Variants in RPL23 observed in about 807,000 individuals in gnomAD.
RPL23 encodes large ribosomal subunit protein uL14.
For synonymous variants in RPL23, 63 were observed against 65.3 expected (o/e 0.97, Z 0.17); for missense variants, 79 against 178.8 (o/e 0.44, Z 3.18).
chr17:38,852,556 G>A (rs1382044277), intron 3 of RPL23, 48 bp downstream of exon 3: 4 of 1,591,498 alleles, frequency 2.5e-6, no homozygotes, highest in Non-Finnish European at 2.6e-6. Context: ...AAAGGAAAGC[G>A]TCCCCCCACT....
In RPL23 at chr17:38,850,119, A is replaced by C. The variant is rs1232520306; in HGVS notation, c.*13T>G. On this transcript the variant is annotated 3_prime_UTR_variant, in exon 5 of 5. Coordinates refer to ENST00000479035, the MANE Select transcript of RPL23 (RefSeq NM_000978.4). ...TAGTTTTTTTTTTTATTTTTTACAA[A>C]TATACTGGAGAATCATGCAATGCTG... is the stretch of plus-strand genomic sequence containing the variant. 1 of 1,564,108 alleles carries C rather than the reference A, an allele frequency of 6.4e-7. No homozygotes were observed. The highest frequency in any genetic ancestry group is 2.3e-5 in the East Asian group (1 of 44,078).
Position 38,848,049 on chromosome 17 carries a change from A to G in RPL23, c.*2083T>C. 6.5e-7 allele frequency: 1 copy of G among 1,542,022 alleles called. No individual in the cohort carries two copies. Among genetic ancestry groups the G allele is most frequent in the Non-Finnish European group, 8.7e-7 (1 of 1,144,432 alleles). On this transcript the variant is annotated 3_prime_UTR_variant, in exon 5 of 5. Coordinates refer to ENST00000479035, the MANE Select transcript of RPL23 (RefSeq NM_000978.4). Reference sequence around the variant, plus strand: ...GTTACTGCACTCCAGCCTGTGTGACAGAGCAAGACTGCCTCAGAAAAGATA... The same window carrying G: ...GTTACTGCACTCCAGCCTGTGTGACGGAGCAAGACTGCCTCAGAAAAGATA...
Position 38,847,918 on chromosome 17 carries a change from T to C in RPL23, c.*2214A>G, listed in dbSNP as rs1473785719. The C allele has an allele frequency of 7.9e-6, 12 of 1,513,988 alleles. No individual in the cohort carries two copies. The highest frequency in any genetic ancestry group is 5.6e-5 in the African/African-American group (4 of 70,854). The allele number at this position is 1,513,988 out of a possible 1,614,324, so 93.8% of individuals were successfully genotyped here. On this transcript the variant is annotated 3_prime_UTR_variant, in exon 5 of 5. Coordinates refer to ENST00000479035, the MANE Select transcript of RPL23 (RefSeq NM_000978.4). ...CAAAAAAAATCTCCAAAGAATAAAA[T>C]GTGAGGTGGGATGCAGTGGCTCACA...
At chr17:38,852,536 A>G (rs1913033055) in intron 3 of RPL23, 68 bp downstream of exon 3, 1 of 1,581,338 alleles carries the variant, frequency 6.3e-7, no homozygotes. Context: ...AAACTGATCC[A>G]TTTTCCAATA....
rs894447938 is a variant in RPL23, at chr17:38,847,910, GAATAA to G, written c.*2217_*2221del. The G allele has an allele frequency of 5.6e-5, 84 of 1,508,864 alleles. No individual in the cohort carries two copies. Among genetic ancestry groups the G allele is most frequent in the Non-Finnish European group, 6.9e-5 (78 of 1,130,820 alleles). 93.5% of individuals were successfully genotyped at this position (1,508,864 alleles called of 1,614,324 possible). ...ATCCAAGTCAAAAAAAATCTCCAAA[GAATAA>G]AATGTGAGGTGGGATGCAGTGGCTC... On this transcript the variant is annotated 3_prime_UTR_variant, in exon 5 of 5. Coordinates refer to ENST00000479035, the MANE Select transcript of RPL23 (RefSeq NM_000978.4).
In RPL23 at chr17:38,848,086, C is replaced by G; in HGVS notation, c.*2046G>C. On this transcript the variant is annotated 3_prime_UTR_variant, in exon 5 of 5. Transcript: ENST00000479035. ...CCTCAGAAAAGATAACATTCAAAAA[C>G]AGCAGCGATTAGTGGTTAATATATA... The G allele has an allele frequency of 6.6e-7, 1 of 1,526,316 alleles. No homozygotes were observed. The highest frequency in any genetic ancestry group is 8.8e-7 in the Non-Finnish European group (1 of 1,138,408). 94.5% of individuals were successfully genotyped at this position (1,526,316 alleles called of 1,614,324 possible). A position where few individuals can be genotyped will look rare whatever the true frequency, so the allele number is the denominator to read the frequency against.
chr17:38,851,486 T>C (rs1001954447), intron 3 of RPL23: 3 of 152,066 alleles, frequency 2.0e-5, no homozygotes, highest in Admixed American at 6.6e-5. Flanking sequence ...AATTGGAAAC[T>C]CACAACTAGT....
chr17:38,848,065 A>G lies in RPL23; in HGVS notation c.*2067T>C. 1 of 1,535,400 alleles carries G rather than the reference A, an allele frequency of 6.5e-7. No homozygotes were observed. Among genetic ancestry groups the G allele is most frequent in the Non-Finnish European group, 8.8e-7 (1 of 1,141,992 alleles). ...CTGTGTGACAGAGCAAGACTGCCTC[A>G]GAAAAGATAACATTCAAAAACAGCA... On this transcript the variant is annotated 3_prime_UTR_variant, in exon 5 of 5. Coordinates refer to ENST00000479035, the MANE Select transcript of RPL23 (RefSeq NM_000978.4).
chr17:38,853,418 G>A (rs1274775751), intron 1 of RPL23: 9 of 715,432 alleles, frequency 1.3e-5, no homozygotes, highest in Non-Finnish European at 1.8e-5. Flanking sequence ...GCAAACCAGG[G>A]CCTAATCCAG....
intron 1 of RPL23, chr17:38,853,430 C>G (rs1266181322): frequency 1.3e-5 from 9 of 716,298 alleles, no homozygotes; most frequent in African/African-American, 3.5e-5. Flanking sequence ...CTAATCCAGT[C>G]TAACTTCAAC....
chr17:38,852,003 C>G (rs1184400150), intron 3 of RPL23: 1 of 152,178 alleles, frequency 6.6e-6, no homozygotes, highest in African/African-American at 2.4e-5. Flanking sequence ...ATTTTGAGGC[C>G]TCCCCCTTTA....
rs1462958511 is a variant in RPL23, at chr17:38,848,807, C to A, written c.*1325G>T. On this transcript the variant is annotated 3_prime_UTR_variant, in exon 5 of 5. Coordinates refer to ENST00000479035, the MANE Select transcript of RPL23 (RefSeq NM_000978.4). ...GATACCAAGTGGAGCTTGTATTATACCCAACTTACAGGTAGAAACATTTAT... is the reference window on the plus strand; with the variant it reads ...GATACCAAGTGGAGCTTGTATTATAACCAACTTACAGGTAGAAACATTTAT... 6.6e-6 allele frequency: 1 copy of A among 152,148 alleles called. No homozygotes were observed. Among genetic ancestry groups the A allele is most frequent in the Non-Finnish European group, 1.5e-5 (1 of 68,040 alleles). 9.4% of individuals were successfully genotyped at this position (152,148 alleles called of 1,614,324 possible).
chr17:38,850,122 T>C lies in RPL23; in HGVS notation c.*10A>G, dbSNP rs1912959731. The C allele has an allele frequency of 1.9e-6, 3 of 1,568,824 alleles. No individual in the cohort carries two copies. The highest frequency in any genetic ancestry group is 1.4e-5 in the African/African-American group (1 of 72,272). On this transcript the variant is annotated 3_prime_UTR_variant, in exon 5 of 5. Transcript: ENST00000479035. ...TTTTTTTTTTTATTTTTTACAAATA[T>C]ACTGGAGAATCATGCAATGCTGCCA...
chr17:38,853,406 G>T (rs750438332), intron 1 of RPL23: 26 of 711,862 alleles, frequency 3.7e-5, no homozygotes, highest in Non-Finnish European at 6.3e-5. Context: ...CGCAGAGGTC[G>T]CGCAAACCAG....
At chr17:38,852,475 A>C (rs1913031595) in intron 3 of RPL23, 129 bp downstream of exon 3, 1 of 1,177,684 alleles carries the variant, frequency 8.5e-7, no homozygotes, top group South Asian at 1.5e-5. Flanking sequence ...CAAAAACTTA[A>C]GATACTTATC....
rs754990364 is a variant in RPL23, at chr17:38,852,922, G to A, written c.97+100C>T. 2.2e-6 allele frequency: 3 copies of A among 1,392,770 alleles called. No individual in the cohort carries two copies. The African/African-American group carries it at 4.3e-5, about 20-fold the overall frequency. The allele number at this position is 1,392,770 out of a possible 1,614,324, so 86.3% of individuals were successfully genotyped here. On this transcript the variant is annotated intron_variant, in intron 2 of 4. Transcript: ENST00000479035. Reference sequence around the variant, plus strand: ...TGTTGCCACTTCACCCAAAAGCGATGTTTTCACTCTCCCCTTTCTTGACGG... The same window carrying A: ...TGTTGCCACTTCACCCAAAAGCGATATTTTCACTCTCCCCTTTCTTGACGG...
intron 3 of RPL23, chr17:38,851,402 TTATTGA>T (rs1232418926): frequency 2.6e-5 from 4 of 152,212 alleles, no homozygotes; most frequent in African/African-American, 7.2e-5. Flanking sequence ...TGCTTGTTAT[TTATTGA>T]TATTAAGTTC....
chr17:38,848,113 G>A lies in RPL23; in HGVS notation c.*2019C>T. 1.4e-6 allele frequency: 2 copies of A among 1,468,064 alleles called. No homozygotes were observed. The highest frequency in any genetic ancestry group is 1.8e-6 in the Non-Finnish European group (2 of 1,107,786). The allele number at this position is 1,468,064 out of a possible 1,614,324, so 90.9% of individuals were successfully genotyped here. On this transcript the variant is annotated 3_prime_UTR_variant, in exon 5 of 5. Coordinates refer to ENST00000479035, the MANE Select transcript of RPL23 (RefSeq NM_000978.4). ...GCAGCGATTAGTGGTTAATATATAAGGATCATATATTGCCATAATATATAA... is the reference window on the plus strand; with the variant it reads ...GCAGCGATTAGTGGTTAATATATAAAGATCATATATTGCCATAATATATAA...
chr17:38,850,148 G>A lies in RPL23; in HGVS notation c.407C>T (p.Ala136Val), dbSNP rs1288357338. 6 of 1,603,346 alleles carry A rather than the reference G, an allele frequency of 3.7e-6. No individual in the cohort carries two copies. Among genetic ancestry groups the A allele is most frequent in the African/African-American group, 2.7e-5 (2 of 74,190 alleles). Reference protein sequence around the residue: ...ADLWPRIASNAGSIA With the variant: ...ADLWPRIASNVGSIA ...ACTGGAGAATCATGCAATGCTGCCA[G>A]CATTGGATGCAATCCGGGGCCACAA... The change falls in exon 5 of 5, where the codon GCT (alanine) becomes GTT (valine). Residue 136 changes from alanine (A) to valine (V), a missense_variant. By Grantham distance (64) the Ala-to-Val change is moderately conservative. Transcript: ENST00000479035.
Sources: allele counts gnomAD v4.1 joint callset, GRCh38; gene constraint gnomAD v4.1.1; transcripts MANE v1.5; gene names NCBI Gene and HGNC (gene_info 2026-07-23, HGNC 2026-07-21).